TTC7B: variants seen among roughly 807,000 people sequenced by gnomAD.
The protein encoded by TTC7B is tetratricopeptide repeat protein 7B.
TTC7B carries 28 observed loss-of-function variants against 106.8 expected under a neutral mutation model. The ratio of observed to expected loss-of-function variants is 0.26; its 90% CI spans 0.19 to 0.36. The LOEUF is 0.36. Among genes scored for constraint, TTC7B ranks in the 10% least tolerant of loss-of-function variants. The probability of loss-of-function intolerance (pLI) is 1.00; values close to 1 mark genes in which losing one functional copy is unlikely to be tolerated. For missense variants in TTC7B, 862 were observed against 1,076.4 expected (o/e 0.80, Z 2.79); for synonymous variants, 405 against 430.6 (o/e 0.94, Z 0.74).
chr14:90,701,009 C>T (rs1566844048), intron 5 of TTC7B, among the ~76,000 whole-genome samples: 1 of 151,974 alleles, frequency 6.6e-6, no homozygotes, highest in Non-Finnish European at 1.5e-5. Context: ...CTCTCCTCCT[C>T]ATATCCAATG....
At chr14:90,557,876 G>C (rs1890390440) in intron 19 of TTC7B, among the ~76,000 whole-genome samples, 1 of 152,240 alleles carries the variant, frequency 6.6e-6, no homozygotes. Flanking sequence ...GGATTTACAG[G>C]AAACTCTGGA....
intron 5 of TTC7B, among the ~76,000 whole-genome samples, chr14:90,711,349 C>T (rs1432993374): frequency 1.3e-5 from 2 of 152,116 alleles, no homozygotes; most frequent in Admixed American, 1.3e-4. Flanking sequence ...GTTGCTAGTA[C>T]TGAAATTAAG....
chr14:90,578,976 C>T lies in TTC7B; in HGVS notation c.2108-668G>A, dbSNP rs940256214. Among the ~76,000 whole-genome samples the T allele has an allele frequency of 1.3e-5, 2 of 152,342 alleles. No homozygotes were observed. Among genetic ancestry groups the T allele is most frequent in the South Asian group, 2.1e-4 (1 of 4,828 alleles). On this transcript the variant is annotated intron_variant, in intron 18 of 19. Transcript: ENST00000328459. The surrounding 1 kb of genome is among the most constrained non-coding windows in gnomAD (Gnocchi z 4.7). ...ACAAGCAGGAAAATGACCCTGCTACCGATCCAGGCCTCAACTCTCTCACCT... is the reference window on the plus strand; with the variant it reads ...ACAAGCAGGAAAATGACCCTGCTACTGATCCAGGCCTCAACTCTCTCACCT...
chr14:90,639,149 G>C (rs1885063764), intron 15 of TTC7B, among the ~76,000 whole-genome samples: 1 of 152,044 alleles, frequency 6.6e-6, no homozygotes, highest in Non-Finnish European at 1.5e-5. Context: ...AGAAGGGAAA[G>C]GTTTCTTCAA....
intron 5 of TTC7B, among the ~76,000 whole-genome samples, chr14:90,700,671 G>T (rs550886679): frequency 6.7e-6 from 1 of 148,886 alleles, no homozygotes; most frequent in Non-Finnish European, 1.5e-5. Context: ...CATCATATAC[G>T]TATACCCTTA....
intron 17 of TTC7B, among the ~76,000 whole-genome samples, chr14:90,598,329 C>A (rs1184273834): frequency 6.6e-6 from 1 of 152,208 alleles, no homozygotes; most frequent in Admixed American, 6.5e-5. Flanking sequence ...AAGCCAATGG[C>A]TTTCCTTGCC....
chr14:90,623,465 C>T (rs945237936), intron 15 of TTC7B, among the ~76,000 whole-genome samples: 24 of 152,296 alleles, frequency 1.6e-4, no homozygotes, highest in Middle Eastern at 3.4e-3. Flanking sequence ...TAAAGAAGAT[C>T]CATTGCCAAA....
intron 2 of TTC7B, among the ~76,000 whole-genome samples, chr14:90,785,726 T>C (rs2073328): frequency 0.27 from 41,324 of 151,984 alleles, 9,270 homozygotes; most frequent in African/African-American, 0.62. Context: ...CCCTCCCAAC[T>C]GTGACGCCAG....
intron 5 of TTC7B, among the ~76,000 whole-genome samples, chr14:90,700,443 G>A (rs889874599): frequency 2.6e-5 from 4 of 151,812 alleles, no homozygotes; most frequent in African/African-American, 4.8e-5. Context: ...GAAGGCAAAG[G>A]CCCCCTGTGT....
chr14:90,580,921 C>A, intron 18 of TTC7B, among the ~76,000 whole-genome samples: 1 of 152,214 alleles, frequency 6.6e-6, no homozygotes, highest in Non-Finnish European at 1.5e-5. Flanking sequence ...TGGTGTGTAT[C>A]TCATGGCTGT....
At chr14:90,701,206 T>C (rs1887971103) in intron 5 of TTC7B, among the ~76,000 whole-genome samples, 1 of 152,156 alleles carries the variant, frequency 6.6e-6, no homozygotes, top group Non-Finnish European at 1.5e-5. Flanking sequence ...GGCTTCCGGA[T>C]GTCTCACCTC....
chr14:90,655,078 G>A lies in TTC7B; in HGVS notation c.1374C>T (p.Val458=), dbSNP rs751401196. Residue 458 remains valine (V), a synonymous_variant, in exon 12 of 20, where the codon GTC becomes GTT. Transcript: ENST00000328459. ...CTGACGTTTTCTCTCCCACATCAAC[G>A]ACAGTTTTGGCAAACTTTTCAGCCT... ...LEEAEKFAKT[V]VDVGEKTSEF... 6 of 1,614,000 alleles carry A rather than the reference G, an allele frequency of 3.7e-6. No homozygotes were observed. Among genetic ancestry groups the A allele is most frequent in the South Asian group, 1.1e-5 (1 of 91,080 alleles).
intron 4 of TTC7B, among the ~76,000 whole-genome samples, chr14:90,744,339 A>T (rs543389295): frequency 6.6e-6 from 1 of 151,788 alleles, no homozygotes; most frequent in African/African-American, 2.4e-5. Flanking sequence ...TATGAGATGG[A>T]GTTTTGCTCA....
At chr14:90,801,390 G>A (rs576397381) in intron 1 of TTC7B, among the ~76,000 whole-genome samples, 2 of 152,202 alleles carry the variant, frequency 1.3e-5, no homozygotes, top group South Asian at 2.1e-4. Context: ...CCTCCAGAAC[G>A]CTAAGAGAAG....
intron 18 of TTC7B, 59 bp downstream of exon 18, chr14:90,593,427 G>A: frequency 6.7e-7 from 1 of 1,502,308 alleles, no homozygotes; most frequent in South Asian, 1.3e-5. Flanking sequence ...AGCGGGTTGT[G>A]GGTGGGGCGG....
At chr14:90,739,977 C>A (rs889478278) in intron 4 of TTC7B, among the ~76,000 whole-genome samples, 1 of 152,194 alleles carries the variant, frequency 6.6e-6, no homozygotes, top group Non-Finnish European at 1.5e-5. Flanking sequence ...TCAAGGCCAT[C>A]CTATGCCATT....
At chr14:90,680,655 ATT>A in intron 7 of TTC7B, 120 bp from the exon 8 acceptor site, 1 of 672,108 alleles carries the variant, frequency 1.5e-6, no homozygotes, top group Non-Finnish European at 2.5e-6. Flanking sequence ...ATACTGTATA[ATT>A]TGGACACTTG....
intron 5 of TTC7B, among the ~76,000 whole-genome samples, chr14:90,707,278 AT>A (rs1415158009): frequency 1.3e-5 from 2 of 152,182 alleles, no homozygotes; most frequent in East Asian, 3.8e-4. Context: ...AACTTGATCA[AT>A]AAATGTTGTA....
At chr14:90,641,683 C>T (rs1268553662) in intron 15 of TTC7B, among the ~76,000 whole-genome samples, 2 of 152,214 alleles carry the variant, frequency 1.3e-5, no homozygotes, top group South Asian at 2.1e-4. Flanking sequence ...TTTGAGCTTA[C>T]GGCTTAACAT....
Sources: gnomAD v4.1 joint callset for allele counts (sites outside exome capture counted in the v4.1 genomes callset) on GRCh38, gnomAD v4.1.1 for gene constraint, Gnocchi (gnomAD v3.1) non-coding constraint, MANE v1.5 for transcripts, NCBI Gene and HGNC (gene_info 2026-07-23, HGNC 2026-07-21) for gene names.